Variants in NUDCD3 observed in about 807,000 individuals in gnomAD.
The protein encoded by NUDCD3 is NudC domain containing 3.
Under a neutral mutation model 39.7 loss-of-function variants are expected in NUDCD3, and 13 were observed. The ratio of observed to expected loss-of-function variants is 0.33; its 90% CI spans 0.21 to 0.52. The LOEUF (loss-of-function observed/expected upper bound fraction) is 0.52. Ranked by LOEUF, NUDCD3 falls within the 20% of genes least tolerant of loss-of-function variation. NUDCD3 has a pLI of 0.96. For missense variants in NUDCD3, 453 were observed against 458.1 expected (o/e 0.99, Z 0.10); for synonymous variants, 175 against 172.4 (o/e 1.02, Z -0.12).
chr7:44,439,717 A>C (rs1445373460), intron 2 of NUDCD3, among the ~76,000 whole-genome samples: 1 of 152,184 alleles, frequency 6.6e-6, no homozygotes, highest in Non-Finnish European at 1.5e-5. Context: ...AGTAGCAAAG[A>C]ATAAATGAAC....
intron 2 of NUDCD3, among the ~76,000 whole-genome samples, chr7:44,431,827 C>T (rs944042433): frequency 2.0e-5 from 3 of 152,170 alleles, no homozygotes; most frequent in East Asian, 1.9e-4. Context: ...TGCGCACCAC[C>T]ACTCCCAGCT....
At chr7:44,394,463 G>A (rs1430644308) in intron 4 of NUDCD3, among the ~76,000 whole-genome samples, 1 of 151,876 alleles carries the variant, frequency 6.6e-6, no homozygotes. Context: ...CCTTCCAAGA[G>A]GGAAATGCAT....
chr7:44,413,254 C>G (rs1254289004), intron 3 of NUDCD3: 5 of 151,932 alleles, frequency 3.3e-5, no homozygotes, highest in Non-Finnish European at 7.4e-5. Context: ...AGTTTAAGAC[C>G]AGCCTGAACA....
intron 2 of NUDCD3, among the ~76,000 whole-genome samples, chr7:44,440,629 G>A (rs1369079684): frequency 6.6e-6 from 1 of 152,038 alleles, no homozygotes; most frequent in East Asian, 1.9e-4. Context: ...AGAGGGAAAG[G>A]GGAGGAGGTT....
chr7:44,450,453 C>A (rs930538812), intron 2 of NUDCD3, among the ~76,000 whole-genome samples: 2 of 151,850 alleles, frequency 1.3e-5, no homozygotes, highest in Admixed American at 1.3e-4. Flanking sequence ...GCTGGGATGA[C>A]AGGTGTGAGC....
chr7:44,400,624 C>T (rs994721978), intron 4 of NUDCD3, among the ~76,000 whole-genome samples: 6 of 152,226 alleles, frequency 3.9e-5, no homozygotes, highest in Non-Finnish European at 1.5e-5. Flanking sequence ...TATCTCCCAG[C>T]CCCATGGGCC....
chr7:44,484,896 A>C, intron 2 of NUDCD3, 72 bp downstream of exon 2: 1 of 1,159,896 alleles, frequency 8.6e-7, no homozygotes, highest in Non-Finnish European at 1.2e-6. Context: ...CAAAGTAAGA[A>C]TAAATTATGG....
intron 3 of NUDCD3, among the ~76,000 whole-genome samples, chr7:44,408,290 G>C (rs1798865698): frequency 6.6e-6 from 1 of 152,136 alleles, no homozygotes; most frequent in African/African-American, 2.4e-5. Context: ...AACTGAAAAA[G>C]AGGAATATCC....
chr7:44,477,296 C>T (rs1248145646), intron 2 of NUDCD3, among the ~76,000 whole-genome samples: 1 of 152,178 alleles, frequency 6.6e-6, no homozygotes, highest in African/African-American at 2.4e-5. Flanking sequence ...CTCTGTTCCT[C>T]ATCCAAAGGA....
chr7:44,474,631 T>C (rs1431040263), intron 2 of NUDCD3, among the ~76,000 whole-genome samples: 1 of 152,236 alleles, frequency 6.6e-6, no homozygotes, highest in East Asian at 1.9e-4. Flanking sequence ...TTTTCTGATA[T>C]AACTTCAATA....
At chr7:44,442,567 A>G (rs1440775955) in intron 2 of NUDCD3, among the ~76,000 whole-genome samples, 1 of 152,170 alleles carries the variant, frequency 6.6e-6, no homozygotes, top group African/African-American at 2.4e-5. Context: ...GACAAGATGG[A>G]GGCTCACCTC....
In NUDCD3 at chr7:44,490,488, G is replaced by A. The variant is rs772265765; in HGVS notation, c.113C>T (p.Thr38Ile). 1.2e-6 allele frequency: 2 copies of A among 1,609,202 alleles called. No individual in the cohort carries two copies. Among genetic ancestry groups the A allele is most frequent in the Non-Finnish European group, 1.7e-6 (2 of 1,178,104 alleles). ...GTGGCGCAGCAAGCGATAGAAGTCT[G>A]TCTTGCGGTAGAGGAAGCCAAAGAG... ...RVLFGFLYRK[T>I]DFYRLLRHPS... The change falls in exon 1 of 6, where the codon ACA (threonine) becomes ATA (isoleucine). Residue 38 changes from threonine to isoleucine, a missense_variant. By Grantham distance (89) the Thr-to-Ile change is moderately conservative. Transcript: ENST00000355451.
At chr7:44,408,185 C>G (rs758789347) in intron 3 of NUDCD3, among the ~76,000 whole-genome samples, 3 of 152,068 alleles carry the variant, frequency 2.0e-5, no homozygotes, top group Non-Finnish European at 4.4e-5. Flanking sequence ...TACACCCAAA[C>G]TGAGAAATAA....
intron 3 of NUDCD3, among the ~76,000 whole-genome samples, chr7:44,424,292 T>C (rs2116897328): frequency 1.3e-5 from 2 of 152,196 alleles, no homozygotes; most frequent in Middle Eastern, 6.8e-3. Context: ...AATTGACAAA[T>C]GGGATCTAAT....
At chr7:44,441,606 T>C (rs1362902012) in intron 2 of NUDCD3, among the ~76,000 whole-genome samples, 1 of 152,138 alleles carries the variant, frequency 6.6e-6, no homozygotes, top group African/African-American at 2.4e-5. Context: ...CCCTCGCAGC[T>C]AGGACTACCC....
chr7:44,399,867 T>C (rs573424865), intron 4 of NUDCD3, among the ~76,000 whole-genome samples: 12 of 152,032 alleles, frequency 7.9e-5, no homozygotes, highest in Non-Finnish European at 8.8e-5. Flanking sequence ...TTACGATGAG[T>C]TTTAAAGCCT....
intron 2 of NUDCD3, among the ~76,000 whole-genome samples, chr7:44,467,627 A>C (rs531363555): frequency 6.6e-6 from 1 of 152,040 alleles, no homozygotes; most frequent in Non-Finnish European, 1.5e-5. Flanking sequence ...GCAGGCTGGC[A>C]ATCTTAAACC....
At chr7:44,400,044 C>T (rs369012116) in intron 4 of NUDCD3, among the ~76,000 whole-genome samples, 2 of 152,302 alleles carry the variant, frequency 1.3e-5, no homozygotes, top group South Asian at 4.1e-4. Flanking sequence ...CAAGAGCCCC[C>T]GCAGCAGAGC....
intron 3 of NUDCD3, among the ~76,000 whole-genome samples, chr7:44,416,082 CTTTAT>C (rs1047307789): frequency 3.9e-5 from 6 of 151,926 alleles, no homozygotes; most frequent in South Asian, 2.1e-4. Flanking sequence ...TTTATTTTTA[CTTTAT>C]TTTATTTATT....
Sources: gnomAD v4.1 joint callset for allele counts (sites outside exome capture counted in the v4.1 genomes callset) on GRCh38, gnomAD v4.1.1 for gene constraint, MANE v1.5 for transcripts, NCBI Gene and HGNC (gene_info 2026-07-23, HGNC 2026-07-21) for gene names.